The following CAMTA1 variants were observed in gnomAD, a reference collection of about 807,000 sequenced individuals.
The protein encoded by CAMTA1 is calmodulin-binding transcription activator 1.
CAMTA1 carries 27 observed loss-of-function variants against 170.9 expected under a neutral mutation model. That is an observed-to-expected ratio of 0.16 (90% CI 0.12 to 0.22). The LOEUF is 0.22. CAMTA1 is among the 10% of genes least tolerant of loss of function. The probability of loss-of-function intolerance (pLI) is 1.00; values close to 1 mark genes in which losing one functional copy is unlikely to be tolerated. For missense variants in CAMTA1, 1,619 were observed against 2,217.2 expected (o/e 0.73, Z 5.42); for synonymous variants, 833 against 891.5 (o/e 0.93, Z 1.17).
intron 4 of CAMTA1, among the ~76,000 whole-genome samples, chr1:7,114,323 G>A (rs1644234870): frequency 6.6e-6 from 1 of 152,028 alleles, no homozygotes; most frequent in Admixed American, 6.5e-5. Context: ...GTGTGTATGT[G>A]TGTGTGTACA....
At chr1:7,735,317 G>A (rs1261733186) in intron 12 of CAMTA1, among the ~76,000 whole-genome samples, 2 of 151,886 alleles carry the variant, frequency 1.3e-5, no homozygotes, top group African/African-American at 2.4e-5. Flanking sequence ...CCAACATGGT[G>A]AAACCCTATC....
chr1:6,878,701 C>T (rs1440970974), intron 3 of CAMTA1, among the ~76,000 whole-genome samples: 1 of 152,220 alleles, frequency 6.6e-6, no homozygotes, highest in African/African-American at 2.4e-5. Context: ...GTTCTAGTTC[C>T]GTTGCCATCA....
intron 6 of CAMTA1, among the ~76,000 whole-genome samples, chr1:7,523,591 AT>A (rs763597566): frequency 6.6e-6 from 1 of 152,144 alleles, no homozygotes; most frequent in Non-Finnish European, 1.5e-5. Flanking sequence ...TAAGAATTTC[AT>A]TTTTGGCCGG....
chr1:7,109,531 A>G (rs1046331494), intron 4 of CAMTA1, among the ~76,000 whole-genome samples: 1 of 152,218 alleles, frequency 6.6e-6, no homozygotes, highest in Non-Finnish European at 1.5e-5. Flanking sequence ...TACCCATGGT[A>G]CAATCTTCTG....
intron 9 of CAMTA1, among the ~76,000 whole-genome samples, chr1:7,668,875 A>G (rs2096028107): frequency 6.6e-6 from 1 of 151,968 alleles, no homozygotes; most frequent in Non-Finnish European, 1.5e-5. Context: ...TTTTGAAGTC[A>G]CTGCTCTTCC....
chr1:6,985,468 A>G (rs1695202386), intron 3 of CAMTA1, among the ~76,000 whole-genome samples: 1 of 152,280 alleles, frequency 6.6e-6, no homozygotes. Context: ...TTAGGTTTCA[A>G]TAAGGGAAGG....
At chr1:7,576,363 C>T (rs1410395161) in intron 6 of CAMTA1, among the ~76,000 whole-genome samples, 1 of 152,168 alleles carries the variant, frequency 6.6e-6, no homozygotes. Flanking sequence ...CCCCAAAATT[C>T]ATACATTAAA....
At chr1:6,875,792 GC>G (rs1203720167) in intron 3 of CAMTA1, among the ~76,000 whole-genome samples, 1 of 152,126 alleles carries the variant, frequency 6.6e-6, no homozygotes, top group East Asian at 1.9e-4. Context: ...AGAAACACTT[GC>G]CCCATCCCAA....
At chr1:6,847,272 A>G (rs1437872495) in intron 3 of CAMTA1, among the ~76,000 whole-genome samples, 4 of 152,076 alleles carry the variant, frequency 2.6e-5, no homozygotes, top group Non-Finnish European at 4.4e-5. Flanking sequence ...TAAAAATGAC[A>G]CTAAAGCTGT....
chr1:7,051,296 A>G (rs1037291825), intron 3 of CAMTA1, among the ~76,000 whole-genome samples: 1 of 152,178 alleles, frequency 6.6e-6, no homozygotes, highest in Non-Finnish European at 1.5e-5. Flanking sequence ...GCAGAGGCAG[A>G]CGGCAGCTGA....
At chr1:7,620,206 A>G (rs551140410) in intron 6 of CAMTA1, among the ~76,000 whole-genome samples, 2 of 152,354 alleles carry the variant, frequency 1.3e-5, no homozygotes, top group East Asian at 1.9e-4. Flanking sequence ...TTACTCCCCA[A>G]GGACATTTGG....
rs879868593 is a variant in CAMTA1, at chr1:7,697,217, G to A, written c.2914+19484G>A. On this transcript the variant is annotated intron_variant, in intron 11 of 22. Coordinates refer to ENST00000303635, the MANE Select transcript of CAMTA1 (RefSeq NM_015215.4). Reference sequence around the variant, plus strand: ...GCACATCCTGAGGACAGGAGGACCCGAAGTGATGGTGATTTCCGGGTTCTA... The same window carrying A: ...GCACATCCTGAGGACAGGAGGACCCAAAGTGATGGTGATTTCCGGGTTCTA... 9.2e-5 allele frequency among the ~76,000 whole-genome samples: 14 copies of A among 152,190 alleles called. 1 individual carries two copies. The highest frequency in any genetic ancestry group is 6.3e-3 in the Middle Eastern group (2 of 316).
At chr1:7,608,363 G>C (rs1216771334) in intron 6 of CAMTA1, among the ~76,000 whole-genome samples, 5 of 152,216 alleles carry the variant, frequency 3.3e-5, no homozygotes, top group Admixed American at 3.3e-4. Flanking sequence ...CCAGGGCAGA[G>C]CCTCCCAGGC....
intron 11 of CAMTA1, among the ~76,000 whole-genome samples, chr1:7,702,849 GCCC>G (rs1206195528): frequency 6.6e-6 from 1 of 151,898 alleles, no homozygotes; most frequent in African/African-American, 2.4e-5. Flanking sequence ...ACTCCTCCTC[GCCC>G]CCAAGTACCC....
At chr1:6,874,163 C>T (rs1669170353) in intron 3 of CAMTA1, 1 of 152,196 alleles carries the variant, frequency 6.6e-6, no homozygotes, top group South Asian at 2.1e-4. Flanking sequence ...ACTGGGAACT[C>T]AGAAGAAAGG....
intron 5 of CAMTA1, among the ~76,000 whole-genome samples, chr1:7,269,911 G>A (rs1238884051): frequency 6.6e-6 from 1 of 152,100 alleles, no homozygotes; most frequent in East Asian, 1.9e-4. Flanking sequence ...ATATAATCAA[G>A]TTTGCTAAAA....
chr1:7,395,361 T>C (rs1234290859), intron 5 of CAMTA1, among the ~76,000 whole-genome samples: 2 of 152,218 alleles, frequency 1.3e-5, no homozygotes, highest in African/African-American at 4.8e-5. Flanking sequence ...GTTGCCTTTG[T>C]TGAAAATTGG....
At chr1:7,278,535 C>T (rs1003998906) in intron 5 of CAMTA1, among the ~76,000 whole-genome samples, 5 of 152,306 alleles carry the variant, frequency 3.3e-5, no homozygotes, top group East Asian at 3.9e-4. Flanking sequence ...AATGTTTCAT[C>T]GATGAGAAAC....
chr1:7,003,272 C>G (rs1228101225), intron 3 of CAMTA1, among the ~76,000 whole-genome samples: 1 of 152,230 alleles, frequency 6.6e-6, no homozygotes, highest in African/African-American at 2.4e-5. Context: ...CCTGCCCCAC[C>G]ACCACTACCG....
Sources: allele counts gnomAD v4.1 joint callset (sites outside exome capture counted in the v4.1 genomes callset), GRCh38; gene constraint gnomAD v4.1.1; transcripts MANE v1.5; gene names NCBI Gene and HGNC (gene_info 2026-07-23, HGNC 2026-07-21).